The following HACL1 variants were observed in gnomAD, a reference collection of about 807,000 sequenced individuals.
The protein encoded by HACL1 is 1600020H07Rik.
Under a neutral mutation model 74.2 loss-of-function variants are expected in HACL1, and 64 were observed. The observed-to-expected ratio is 0.86, with a 90% confidence interval of 0.70 to 1.06. HACL1 has a LOEUF of 1.06. HACL1 is among the 50% of genes least tolerant of loss of function. The pLI is 0.00. For synonymous variants in HACL1, 230 were observed against 238.8 expected (o/e 0.96, Z 0.34); for missense variants, 728 against 719.7 (o/e 1.01, Z -0.13).
chr3:15,585,433 CTT>C (rs1388527521), intron 6 of HACL1, 91 bp from the exon 7 acceptor site: 4 of 753,744 alleles, frequency 5.3e-6, no homozygotes, highest in East Asian at 2.6e-5. Context: ...AAAATGAACA[CTT>C]TTCATTTTTC....
intron 8 of HACL1, among the ~76,000 whole-genome samples, chr3:15,580,965 G>A (rs191718801): frequency 2.9e-4 from 44 of 152,350 alleles, no homozygotes; most frequent in African/African-American, 9.9e-4. Flanking sequence ...GCAATGGCGC[G>A]ATCTCGGTTC....
chr3:15,571,820 C>CTTT (rs759202943), intron 11 of HACL1, 51 bp from the exon 12 acceptor site: 42 of 307,308 alleles, frequency 1.4e-4, no homozygotes, highest in South Asian at 7.4e-4. Context: ...TTTTCTTTGC[C>CTTT]TTTTTTTTCT....
At chr3:15,597,690 C>T (rs570603568) in intron 2 of HACL1, among the ~76,000 whole-genome samples, 41 of 135,600 alleles carry the variant, frequency 3.0e-4, no homozygotes, top group Non-Finnish European at 5.6e-4. Flanking sequence ...TACTATCATA[C>T]ACCCACTGAG....
At chr3:15,599,898 T>G (rs530848202) in intron 2 of HACL1, among the ~76,000 whole-genome samples, 1 of 152,366 alleles carries the variant, frequency 6.6e-6, no homozygotes, top group Non-Finnish European at 1.5e-5. Flanking sequence ...ATATGTCATC[T>G]CTACAAAAAC....
rs958640186 is a variant in HACL1 at position 15,580,012 on chromosome 3, T to G, written c.701A>C (p.Lys234Thr). The G allele has an allele frequency of 6.2e-7, 1 of 1,611,806 alleles. No individual in the cohort carries two copies. The highest frequency in any genetic ancestry group is 8.5e-7 in the Non-Finnish European group (1 of 1,178,052). The stretch of plus-strand genomic sequence containing the variant: ...CAGTTTATATTGCTCCACCAATTTC[T>G]TGATACTCTCTTCTGCATGAGCGTA... ...AAYAHAEESI[K>T]KLVEQYKLPF... is the part of the protein sequence containing the mutation. The change falls in exon 9 of 17, where the codon AAG becomes ACG. Residue 234 changes from lysine (K) to threonine (T), a missense_variant. Physicochemically the swap from Lys to Thr is moderately conservative, Grantham distance 78. Coordinates refer to ENST00000321169, the MANE Select transcript of HACL1 (RefSeq NM_012260.4).
Position 15,571,820 on chromosome 3 carries a change from CT to C in HACL1, c.994-52del, listed in dbSNP as rs759202943. On this transcript the variant is annotated intron_variant, in intron 11 of 16. Coordinates refer to ENST00000321169, the MANE Select transcript of HACL1 (RefSeq NM_012260.4). ...ACAAACACATAAACTTTTTCTTTGC[CT>C]TTTTTTTCTTTTTTTTTTTTTTTTT... The C allele has an allele frequency of 3.1e-3, 944 of 307,456 alleles. 3 individuals are homozygous for C. Among genetic ancestry groups the C allele is most frequent in the Middle Eastern group, 0.011 (14 of 1,298 alleles). 19.0% of individuals were successfully genotyped at this position (307,456 alleles called of 1,614,324 possible). A position where few individuals can be genotyped will look rare whatever the true frequency, so the allele number is the denominator to read the frequency against.
At chr3:15,583,303 AAC>A (rs780441471) in intron 7 of HACL1, among the ~76,000 whole-genome samples, 87 of 152,368 alleles carry the variant, frequency 5.7e-4, no homozygotes, top group East Asian at 1.9e-3. Context: ...CTAGTAAATT[AAC>A]AGTTATTCCC....
chr3:15,597,010 T>G (rs548175094), intron 2 of HACL1, among the ~76,000 whole-genome samples: 1 of 152,198 alleles, frequency 6.6e-6, no homozygotes, highest in Non-Finnish European at 1.5e-5. Flanking sequence ...AGGTTACAAG[T>G]TTGAGTTGCA....
intron 7 of HACL1, among the ~76,000 whole-genome samples, chr3:15,583,210 A>G (rs761662981): frequency 2.0e-5 from 3 of 152,238 alleles, no homozygotes; most frequent in Non-Finnish European, 2.9e-5. Flanking sequence ...ATAGGCATCA[A>G]GACACTTCAC....
At chr3:15,600,002 T>TAGA (rs2064159955) in intron 2 of HACL1, among the ~76,000 whole-genome samples, 1 of 151,752 alleles carries the variant, frequency 6.6e-6, no homozygotes, top group South Asian at 2.1e-4. Flanking sequence ...AAGTAAAATG[T>TAGA]AGAAGCAACA....
chr3:15,575,034 A>G lies in HACL1; in HGVS notation c.852T>C (p.Asn284=). The G allele has an allele frequency of 1.9e-6, 3 of 1,601,636 alleles. No individual in the cohort carries two copies. The highest frequency in any genetic ancestry group is 2.6e-6 in the Non-Finnish European group (3 of 1,169,386). The change falls in exon 10 of 17, where the codon AAT becomes AAC. Residue 284 remains asparagine, a synonymous_variant. Transcript: ENST00000321169. The part of the protein sequence containing the change: ...DVIVLFGARL[N]WILHFGLPPR... ...GAGGCAGTCCAAAATGTAAAATCCA[A>G]TTTAGTCTGGCACCAAATAACACAA...
intron 12 of HACL1, among the ~76,000 whole-genome samples, chr3:15,570,639 C>A (rs1166273115): frequency 1.3e-5 from 2 of 150,706 alleles, no homozygotes; most frequent in African/African-American, 2.5e-5. Context: ...CACATGCACA[C>A]ACACACACAC....
At chr3:15,592,411 CGT>C (rs1491250826) in intron 3 of HACL1, among the ~76,000 whole-genome samples, 1 of 150,602 alleles carries the variant, frequency 6.6e-6, no homozygotes, top group Non-Finnish European at 1.5e-5. Flanking sequence ...TGTAGACACA[CGT>C]ATACACACAC....
chr3:15,595,053 G>A (rs2064031277), intron 3 of HACL1, among the ~76,000 whole-genome samples: 1 of 152,154 alleles, frequency 6.6e-6, no homozygotes, highest in Non-Finnish European at 1.5e-5. Flanking sequence ...CTTGAACCCA[G>A]GAGGCAGAGG....
Position 15,564,579 on chromosome 3 carries a change from T to C in HACL1, c.1489A>G (p.Met497Val), listed in dbSNP as rs562347592. ...QGFDTDTWKE[M>V]LKFQDATAVV... Reference sequence around the variant, plus strand: ...GCAGTAGCATCTTGAAATTTTAACATTTCTTTCCAAGTATCTGTATCAAAA... The same window carrying C: ...GCAGTAGCATCTTGAAATTTTAACACTTCTTTCCAAGTATCTGTATCAAAA... Residue 497 changes from methionine (M) to valine (V), a missense_variant, in exon 15 of 17, where the codon ATG becomes GTG. Transcript: ENST00000321169. 6.5e-6 allele frequency: 10 copies of C among 1,531,370 alleles called. No individual in the cohort carries two copies. In the African/African-American group the frequency reaches 1.1e-4, roughly 17 times the overall value. The allele number at this position is 1,531,370 out of a possible 1,614,324, so 94.9% of individuals were successfully genotyped here.
intron 5 of HACL1, among the ~76,000 whole-genome samples, chr3:15,588,827 C>A (rs1167273982): frequency 1.3e-5 from 2 of 149,634 alleles, no homozygotes; most frequent in Non-Finnish European, 3.0e-5. Context: ...TTCTTTCCTC[C>A]TTCTAAAATA....
rs770843159 is a variant in HACL1, at chr3:15,571,656, G to A, written c.1095+12C>T. Reference sequence around the variant, plus strand: ...CTGACCTGTTATTGAGCGTCAGTAGGTCCGATTTTACCTTGGATGCAGCTT... The same window carrying A: ...CTGACCTGTTATTGAGCGTCAGTAGATCCGATTTTACCTTGGATGCAGCTT... On this transcript the variant is annotated intron_variant, in intron 12 of 16. Coordinates refer to ENST00000321169, the MANE Select transcript of HACL1 (RefSeq NM_012260.4). 1.4e-5 allele frequency: 16 copies of A among 1,108,292 alleles called. No homozygotes were observed. The Admixed American group carries it at 2.7e-4, about 19-fold the overall frequency. 68.7% of individuals were successfully genotyped at this position (1,108,292 alleles called of 1,614,324 possible).
At position 15,601,556 on chromosome 3, in the gene HACL1, G is replaced by A. The variant is rs778308581; in HGVS notation, c.-93C>T. On this transcript the variant is annotated 5_prime_UTR_variant, in exon 1 of 17. Coordinates refer to ENST00000321169, the MANE Select transcript of HACL1 (RefSeq NM_012260.4). ...GCGAAATCGGCAGCACGCCACCTCT[G>A]GTACTGCACCTCTGACGGACAGGAG... 5.0e-6 allele frequency: 8 copies of A among 1,603,538 alleles called. No individual in the cohort carries two copies. Among genetic ancestry groups the A allele is most frequent in the South Asian group, 1.1e-5 (1 of 90,826 alleles).
At chr3:15,586,848 C>CCATCT (rs1441819909) in intron 5 of HACL1, among the ~76,000 whole-genome samples, 1 of 152,068 alleles carries the variant, frequency 6.6e-6, no homozygotes, top group Non-Finnish European at 1.5e-5. Flanking sequence ...ATAATACCCA[C>CCATCT]CATCTAACAC....
Sources: allele counts gnomAD v4.1 joint callset (sites outside exome capture counted in the v4.1 genomes callset), GRCh38; gene constraint gnomAD v4.1.1; transcripts MANE v1.5; gene names NCBI Gene and HGNC (gene_info 2026-07-23, HGNC 2026-07-21).